The following PSD2 variants were observed in gnomAD, a reference collection of about 807,000 sequenced individuals.
The protein encoded by PSD2 is pleckstrin and Sec7 domain containing 2, also known as PH and SEC7 domain-containing protein 2.
In PSD2, 38 loss-of-function variants were observed where a neutral mutation model predicts 69.8. The ratio of observed to expected loss-of-function variants is 0.54; its 90% CI spans 0.42 to 0.71. The LOEUF is 0.71. Ranked by LOEUF, PSD2 falls within the 30% of genes least tolerant of loss-of-function variation. The pLI, the probability that PSD2 is intolerant of heterozygous loss-of-function variation, is 0.00. For missense variants in PSD2, 943 were observed against 1,014.5 expected (o/e 0.93, Z 0.96); for synonymous variants, 412 against 423.0 (o/e 0.97, Z 0.32).
At chr5:139,751,760 A>G in the PSD2 span, among the ~76,000 whole-genome samples, 6 of 148,120 alleles carry the variant, frequency 4.1e-5, no homozygotes, top group Non-Finnish European at 8.9e-5. Flanking sequence ...ACTCTAGGAC[A>G]GTGTTTCCAT....
intron 7 of PSD2, among the ~76,000 whole-genome samples, chr5:139,826,230 G>T (rs190305719): frequency 6.6e-6 from 1 of 152,204 alleles, no homozygotes; most frequent in Non-Finnish European, 1.5e-5. Flanking sequence ...CTCAAGAGGC[G>T]AGGGTGTGGT....
At chr5:139,756,103 T>C in the PSD2 span, among the ~76,000 whole-genome samples, 2 of 152,210 alleles carry the variant, frequency 1.3e-5, no homozygotes, top group African/African-American at 4.8e-5. Flanking sequence ...GCCTCGGTAA[T>C]TTCCGAGTCG....
At chr5:139,805,629 CCTTT>C (rs1759784966) in intron 1 of PSD2, among the ~76,000 whole-genome samples, 1 of 152,124 alleles carries the variant, frequency 6.6e-6, no homozygotes, top group Non-Finnish European at 1.5e-5. Flanking sequence ...TCAGAGAGGG[CCTTT>C]CTCAGGAGGC....
At chr5:139,762,996 C>T in the PSD2 span, among the ~76,000 whole-genome samples, 1 of 152,016 alleles carries the variant, frequency 6.6e-6, no homozygotes, top group African/African-American at 2.4e-5. Context: ...TGCAGCGCCT[C>T]AGAGAGAGGA....
the PSD2 span, among the ~76,000 whole-genome samples, chr5:139,784,580 C>T: frequency 1.3e-5 from 2 of 152,160 alleles, no homozygotes; most frequent in African/African-American, 2.4e-5. Flanking sequence ...TGGCCTACAA[C>T]GCCCTCCATC....
intron 5 of PSD2, among the ~76,000 whole-genome samples, chr5:139,819,052 T>C (rs1056923862): frequency 6.6e-6 from 1 of 152,360 alleles, no homozygotes; most frequent in East Asian, 1.9e-4. Flanking sequence ...GTCTCTTTTT[T>C]CTCTTGGTTT....
Position 139,814,107 on chromosome 5 carries a change from C to A in PSD2, c.822-63C>A, listed in dbSNP as rs964673069. On this transcript the variant is annotated intron_variant, in intron 3 of 14. Coordinates refer to ENST00000274710, the MANE Select transcript of PSD2 (RefSeq NM_032289.4). This position sits in a 1 kb window ranked among gnomAD's most constrained non-coding sequence, Gnocchi z 4.4. The stretch of plus-strand genomic sequence containing the variant: ...CAGTGGCCTGGGGAAACCTCCCAGC[C>A]TCCTCTGGGGCCTTTGACCCTGGGC... The A allele has an allele frequency of 2.0e-6, 3 of 1,537,398 alleles. No individual in the cohort carries two copies. Among genetic ancestry groups the A allele is most frequent in the Non-Finnish European group, 2.7e-6 (3 of 1,128,020 alleles).
chr5:139,772,012 G>A, the PSD2 span, among the ~76,000 whole-genome samples: 2 of 152,192 alleles, frequency 1.3e-5, no homozygotes, highest in Non-Finnish European at 2.9e-5. Flanking sequence ...GGGAGAGGTA[G>A]TGGGTTCTCT....
chr5:139,755,170 G>C, the PSD2 span, among the ~76,000 whole-genome samples: 1 of 152,196 alleles, frequency 6.6e-6, no homozygotes, highest in Non-Finnish European at 1.5e-5. Context: ...CCTTCCCACT[G>C]TCAGGTCCTG....
At chr5:139,745,582 C>T in the PSD2 span, among the ~76,000 whole-genome samples, 3 of 152,256 alleles carry the variant, frequency 2.0e-5, no homozygotes, top group Admixed American at 2.0e-4. Flanking sequence ...CTTCTCTGCT[C>T]CTAGCTGCCA....
intron 1 of PSD2, among the ~76,000 whole-genome samples, chr5:139,796,236 C>T (rs1182611112): frequency 6.6e-6 from 1 of 152,178 alleles, no homozygotes; most frequent in African/African-American, 2.4e-5. Context: ...GGGGGCGCCG[C>T]GGGAAAGCCC....
upstream of PSD2, among the ~76,000 whole-genome samples, chr5:139,794,884 T>A (rs1167118938): frequency 6.6e-6 from 1 of 152,162 alleles, no homozygotes; most frequent in African/African-American, 2.4e-5. Context: ...GTTCTTAATG[T>A]CTAGCCCAGG....
chr5:139,829,152 A>C (rs1760505782), intron 7 of PSD2, among the ~76,000 whole-genome samples: 1 of 152,164 alleles, frequency 6.6e-6, no homozygotes, highest in Non-Finnish European at 1.5e-5. Flanking sequence ...CAGATAACTT[A>C]CCCAGTATAA....
rs746866977 is a variant in PSD2, at chr5:139,836,913, C to G, written c.1506C>G (p.Phe502Leu). Residue 502 changes from phenylalanine (F) to leucine (L), a missense_variant, in exon 10 of 15, where the codon TTC (phenylalanine) becomes TTG (leucine). Physicochemically the swap from Phe to Leu is conservative, Grantham distance 22. Around this residue, in one of 3 missense-constraint regions of PSD2, gnomAD observed 312 missense variants for 400.7 expected, o/e 0.78. Transcript: ENST00000274710. ...VTRILDGGNP[F>L]LDVPQALSAT... ...GAATCCTGGATGGTGGCAACCCCTT[C>G]CTGGATGTCCCACAGGCGCTCAGTG... The G allele has an allele frequency of 6.8e-6, 11 of 1,614,192 alleles. No individual in the cohort carries two copies. The highest frequency in any genetic ancestry group is 9.3e-6 in the Non-Finnish European group (11 of 1,180,030).
chr5:139,825,331 C>T lies in PSD2; in HGVS notation c.1269+2547C>T, dbSNP rs116617081. Among the ~76,000 whole-genome samples, 350 of 152,356 alleles carry T rather than the reference C, an allele frequency of 2.3e-3. 2 individuals carry two copies. Among genetic ancestry groups the T allele is most frequent in the African/African-American group, 8.2e-3 (339 of 41,590 alleles). The stretch of plus-strand genomic sequence containing the variant: ...AGCAGGGCTGGTTTTCACCTTGTGG[C>T]TGTTGGGAATAGCGCTGCTGTGAAC... On this transcript the variant is annotated intron_variant, in intron 7 of 14. Transcript: ENST00000274710.
the PSD2 span, among the ~76,000 whole-genome samples, chr5:139,746,988 T>G: frequency 6.6e-6 from 1 of 152,238 alleles, no homozygotes; most frequent in South Asian, 2.1e-4. The surrounding 1 kb of genome is among the most constrained non-coding windows in gnomAD (Gnocchi z 4.5). Flanking sequence ...TCTGCCAGTA[T>G]CCTGTCCCCT....
intron 7 of PSD2, among the ~76,000 whole-genome samples, chr5:139,832,645 C>A (rs1004802458): frequency 1.3e-4 from 20 of 152,166 alleles, no homozygotes; most frequent in African/African-American, 4.8e-4. Flanking sequence ...TGAGAGAATA[C>A]CTATTTCCAT....
the PSD2 span, among the ~76,000 whole-genome samples, chr5:139,755,576 T>A: frequency 6.6e-6 from 1 of 152,068 alleles, no homozygotes; most frequent in African/African-American, 2.4e-5. Flanking sequence ...GTATCTTTGA[T>A]ATGTCTGTGT....
chr5:139,772,529 ATC>A, the PSD2 span: 2 of 151,736 alleles, frequency 1.3e-5, no homozygotes, highest in East Asian at 3.9e-4. Flanking sequence ...TCCTTCTTTC[ATC>A]TCTCCTCCTC....
Sources: allele counts gnomAD v4.1 joint callset (sites outside exome capture counted in the v4.1 genomes callset), GRCh38; gene constraint gnomAD v4.1.1; regional missense constraint gnomAD v4.1.1; non-coding constraint Gnocchi (gnomAD v3.1); transcripts MANE v1.5; gene names NCBI Gene and HGNC (gene_info 2026-07-23, HGNC 2026-07-21).